Variants in RAB27B observed in about 807,000 individuals in gnomAD.
The protein encoded by RAB27B is ras-related protein Rab-27B.
In RAB27B, 15 loss-of-function variants were observed where a neutral mutation model predicts 24.6. The ratio of observed to expected loss-of-function variants is 0.61; its 90% CI spans 0.41 to 0.94. The LOEUF is 0.94. Ranked by LOEUF, RAB27B falls within the 40% of genes least tolerant of loss-of-function variation. The pLI is 0.00. For synonymous variants in RAB27B, 105 were observed against 92.5 expected (o/e 1.14, Z -0.78); for missense variants, 261 against 266.8 (o/e 0.98, Z 0.15).
intron 2 of RAB27B, among the ~76,000 whole-genome samples, chr18:54,733,697 A>G (rs1909802071): frequency 8.2e-6 from 1 of 121,862 alleles, no homozygotes; most frequent in Non-Finnish European, 1.6e-5. Flanking sequence ...CCAGAAGTTT[A>G]CTTCTTTCCT....
intron 2 of RAB27B, among the ~76,000 whole-genome samples, chr18:54,753,606 G>A (rs1434546645): frequency 2.0e-5 from 3 of 152,108 alleles, no homozygotes; most frequent in Non-Finnish European, 2.9e-5. Context: ...GCAGTTCTAC[G>A]CATGATTTAT....
intron 2 of RAB27B, among the ~76,000 whole-genome samples, chr18:54,820,569 C>A (rs938170972): frequency 1.3e-5 from 2 of 152,032 alleles, no homozygotes; most frequent in African/African-American, 4.8e-5. Flanking sequence ...TGTAGGTTGC[C>A]TGTTCACTCT....
chr18:54,888,795 C>T (rs912138275), intron 5 of RAB27B, among the ~76,000 whole-genome samples: 3 of 152,150 alleles, frequency 2.0e-5, no homozygotes, highest in Non-Finnish European at 4.4e-5. Flanking sequence ...TCCAAATAAA[C>T]ATTGACTGTA....
chr18:54,766,102 A>G (rs1176891194), intron 2 of RAB27B, among the ~76,000 whole-genome samples: 2 of 152,186 alleles, frequency 1.3e-5, no homozygotes, highest in Non-Finnish European at 2.9e-5. Context: ...ATTGCCTGAG[A>G]ATTCCTGGAG....
intron 2 of RAB27B, among the ~76,000 whole-genome samples, chr18:54,750,666 C>G (rs1308525613): frequency 6.6e-6 from 1 of 152,134 alleles, no homozygotes; most frequent in Admixed American, 6.6e-5. Context: ...CAGGCTCTGT[C>G]TTAGTGCTGA....
intron 2 of RAB27B, among the ~76,000 whole-genome samples, chr18:54,750,561 G>A (rs1234537178): frequency 6.6e-6 from 1 of 152,106 alleles, no homozygotes; most frequent in African/African-American, 2.4e-5. Flanking sequence ...TGCAGAGACA[G>A]AGGAAGGACA....
At chr18:54,879,844 A>G (rs1912852382) in intron 3 of RAB27B, 1 of 169,010 alleles carries the variant, frequency 5.9e-6, no homozygotes. Context: ...CTGTTATTTC[A>G]GCACAGCCTC....
At chr18:54,867,043 G>C (rs535679242) in intron 1 of RAB27B, among the ~76,000 whole-genome samples, 2 of 152,232 alleles carry the variant, frequency 1.3e-5, no homozygotes, top group East Asian at 1.9e-4. Context: ...AGTAGGTTGT[G>C]GGTCACACCA....
At chr18:54,847,141 A>G (rs1911372494) in intron 1 of RAB27B, among the ~76,000 whole-genome samples, 4 of 152,166 alleles carry the variant, frequency 2.6e-5, no homozygotes, top group South Asian at 4.1e-4. Flanking sequence ...GTGAGTCACC[A>G]TGCCCGGCCA....
Position 54,893,327 on chromosome 18 carries a change from T to A in RAB27B, c.*3914T>A, listed in dbSNP as rs148066552. ...GTCTCTGGTTTCCTAAGATACATAA[T>A]AACTGTTTATAAAGAAGGTCTAAGA... On this transcript the variant is annotated 3_prime_UTR_variant, in exon 6 of 6. Transcript: ENST00000262094. 5.3e-4 allele frequency: 81 copies of A among 152,160 alleles called. No homozygotes were observed. Among genetic ancestry groups the A allele is most frequent in the African/African-American group, 1.8e-3 (74 of 41,552 alleles). The allele number at this position is 152,160 out of a possible 1,614,324, so 9.4% of individuals were successfully genotyped here.
chr18:54,821,600 T>C (rs1310774475), intron 2 of RAB27B, among the ~76,000 whole-genome samples: 1 of 152,202 alleles, frequency 6.6e-6, no homozygotes, highest in African/African-American at 2.4e-5. Context: ...CATTGCCAAG[T>C]CAATCCCAAG....
At chr18:54,813,305 G>A (rs1029663290) in intron 2 of RAB27B, among the ~76,000 whole-genome samples, 6 of 152,140 alleles carry the variant, frequency 3.9e-5, no homozygotes, top group African/African-American at 7.2e-5. Context: ...GAAAGTTTAC[G>A]TGCCTCATTT....
At chr18:54,747,675 C>T (rs1910296707) in intron 2 of RAB27B, among the ~76,000 whole-genome samples, 1 of 152,204 alleles carries the variant, frequency 6.6e-6, no homozygotes, top group Non-Finnish European at 1.5e-5. Flanking sequence ...GCTTCTCATA[C>T]TTTGCCTACC....
At chr18:54,832,767 G>A (rs1910735334) in intron 1 of RAB27B, among the ~76,000 whole-genome samples, 1 of 152,098 alleles carries the variant, frequency 6.6e-6, no homozygotes, top group Non-Finnish European at 1.5e-5. Context: ...TGTGGTCAAT[G>A]GTGTCAGACA....
At chr18:54,750,847 CAG>C (rs1285842848) in intron 2 of RAB27B, among the ~76,000 whole-genome samples, 1 of 152,104 alleles carries the variant, frequency 6.6e-6, no homozygotes, top group Non-Finnish European at 1.5e-5. Flanking sequence ...GAGAATGTAA[CAG>C]AAATGAGTCT....
intron 3 of RAB27B, among the ~76,000 whole-genome samples, chr18:54,883,362 A>T (rs1301524016): frequency 6.6e-6 from 1 of 152,170 alleles, no homozygotes; most frequent in Non-Finnish European, 1.5e-5. Context: ...GGAAACCAAC[A>T]CAAAGGATCT....
At chr18:54,811,218 T>C (rs951005268) in intron 2 of RAB27B, among the ~76,000 whole-genome samples, 1 of 152,164 alleles carries the variant, frequency 6.6e-6, no homozygotes, top group Non-Finnish European at 1.5e-5. Context: ...GTATCTGAGA[T>C]AGGTCTCAAT....
Position 54,850,886 on chromosome 18 carries a change from A to G in RAB27B, c.-20+22186A>G, listed in dbSNP as rs111729476. Among the ~76,000 whole-genome samples the G allele has an allele frequency of 3.3e-3, 501 of 152,086 alleles. 3 individuals carry two copies. The highest frequency in any genetic ancestry group is 0.011 in the African/African-American group (462 of 41,506). The stretch of plus-strand genomic sequence containing the variant: ...AGTGTTGTGTTGTGTTGTATTTAAA[A>G]GAAAAGGGCTGTGGATTTTGACAGA... On this transcript the variant is annotated intron_variant, in intron 1 of 5. Transcript: ENST00000262094.
intron 2 of RAB27B, among the ~76,000 whole-genome samples, chr18:54,784,657 A>G (rs910683823): frequency 6.6e-6 from 1 of 151,768 alleles, no homozygotes; most frequent in Non-Finnish European, 1.5e-5. Flanking sequence ...TTCTTTTTTT[A>G]TGGCTGCGTA....
Sources: gnomAD v4.1 joint callset for allele counts (sites outside exome capture counted in the v4.1 genomes callset) on GRCh38, gnomAD v4.1.1 for gene constraint, MANE v1.5 for transcripts, NCBI Gene and HGNC (gene_info 2026-07-23, HGNC 2026-07-21) for gene names.